TFDP2: variants seen among roughly 807,000 people sequenced by gnomAD.
TFDP2 encodes the protein transcription factor Dp-2, also known as transcription factor Dp-2 (E2F dimerization partner 2).
TFDP2 carries 17 observed loss-of-function variants against 59.3 expected under a neutral mutation model. That is an observed-to-expected ratio of 0.29 (90% CI 0.20 to 0.43). The LOEUF (loss-of-function observed/expected upper bound fraction) is 0.43, where lower values mean the gene tolerates loss of function less well. TFDP2 is among the 20% of genes least tolerant of loss of function. TFDP2 has a pLI of 1.00. For missense variants in TFDP2, 391 were observed against 528.8 expected (o/e 0.74, Z 2.56); for synonymous variants, 180 against 194.7 (o/e 0.92, Z 0.63).
intron 4 of TFDP2, among the ~76,000 whole-genome samples, chr3:141,997,677 C>T (rs752463824): frequency 1.6e-4 from 25 of 151,560 alleles, no homozygotes; most frequent in Non-Finnish European, 2.9e-4. Flanking sequence ...TGGTGAAACC[C>T]TAACTCTCCT....
chr3:142,078,254 G>A (rs1199916999), intron 3 of TFDP2, among the ~76,000 whole-genome samples: 3 of 152,130 alleles, frequency 2.0e-5, no homozygotes, highest in Non-Finnish European at 4.4e-5. Flanking sequence ...AGGAGAACTC[G>A]CTGCCCTGAA....
At chr3:142,065,675 C>T (rs1440894437) in intron 3 of TFDP2, among the ~76,000 whole-genome samples, 5 of 151,760 alleles carry the variant, frequency 3.3e-5, no homozygotes, top group Non-Finnish European at 2.9e-5. Flanking sequence ...CCATACCTGG[C>T]TAATTTTTGT....
intron 3 of TFDP2, among the ~76,000 whole-genome samples, chr3:142,049,434 C>T (rs1947501923): frequency 6.6e-6 from 1 of 152,166 alleles, no homozygotes; most frequent in African/African-American, 2.4e-5. Flanking sequence ...ATGACAAAAA[C>T]TCTCAGCAGA....
At chr3:142,076,119 G>A (rs186651340) in intron 3 of TFDP2, among the ~76,000 whole-genome samples, 8 of 147,830 alleles carry the variant, frequency 5.4e-5, no homozygotes, top group African/African-American at 2.0e-4. Flanking sequence ...GCTGAGGCAA[G>A]AGAATCACTT....
intron 3 of TFDP2, among the ~76,000 whole-genome samples, chr3:142,024,410 C>T (rs952379282): frequency 6.6e-6 from 1 of 152,198 alleles, no homozygotes; most frequent in East Asian, 1.9e-4. Flanking sequence ...AAGCACCATA[C>T]TCATACTGGT....
intron 1 of TFDP2, among the ~76,000 whole-genome samples, chr3:142,113,855 A>ATGGT (rs1283400600): frequency 6.6e-6 from 1 of 152,194 alleles, no homozygotes; most frequent in Non-Finnish European, 1.5e-5. Flanking sequence ...TTTAATAAGC[A>ATGGT]ATTCCTCAAA....
At chr3:142,115,454 G>T (rs912778311) in intron 1 of TFDP2, among the ~76,000 whole-genome samples, 17 of 151,984 alleles carry the variant, frequency 1.1e-4, no homozygotes, top group Admixed American at 1.1e-3. Flanking sequence ...GAGTAGCTGG[G>T]ACTACAGGCG....
rs1458317489 is a variant in TFDP2, at chr3:141,999,688, C to T, written c.187-4547G>A. Among the ~76,000 whole-genome samples the T allele has an allele frequency of 2.0e-5, 3 of 150,254 alleles. No homozygotes were observed. In the East Asian group the frequency reaches 5.8e-4, roughly 29 times the overall value. On this transcript the variant is annotated intron_variant, in intron 4 of 12. Coordinates refer to ENST00000489671, the MANE Select transcript of TFDP2 (RefSeq NM_001178139.2). Reference sequence around the variant, plus strand: ...ACATGTAAAGTTCAAAGGGCAAGCACAAAAAGAAGGCTAAGAAGCAAATGG... The same window carrying T: ...ACATGTAAAGTTCAAAGGGCAAGCATAAAAAGAAGGCTAAGAAGCAAATGG...
intron 11 of TFDP2, among the ~76,000 whole-genome samples, chr3:141,957,599 G>A (rs1936853698): frequency 6.6e-6 from 1 of 152,058 alleles, no homozygotes; most frequent in Non-Finnish European, 1.5e-5. Flanking sequence ...TAAACAAAAT[G>A]TGGTCCATCC....
chr3:141,966,208 T>G (rs1346879034), intron 9 of TFDP2, among the ~76,000 whole-genome samples: 2 of 152,016 alleles, frequency 1.3e-5, no homozygotes, highest in Non-Finnish European at 2.9e-5. Flanking sequence ...AGTCTCACTC[T>G]GTTGCCCAGG....
At chr3:141,968,911 T>C (rs1373503687) in intron 9 of TFDP2, among the ~76,000 whole-genome samples, 1 of 97,090 alleles carries the variant, frequency 1.0e-5, no homozygotes, top group South Asian at 3.0e-4. Context: ...CTCATATATA[T>C]AGATATATAT....
rs996103997 is a variant in TFDP2 at position 142,121,287 on chromosome 3, G to A, written c.-92-19446C>T. 3.3e-5 allele frequency among the ~76,000 whole-genome samples: 5 copies of A among 151,994 alleles called. No individual in the cohort carries two copies. Among genetic ancestry groups the A allele is most frequent in the South Asian group, 2.1e-4 (1 of 4,826 alleles). ...TTGTGCTCTACCCAAGAGACATAAC[G>A]GAGTCCCACCCTTCAAGAAGTTCAC... On this transcript the variant is annotated intron_variant, in intron 1 of 12. Coordinates refer to ENST00000489671, the MANE Select transcript of TFDP2 (RefSeq NM_001178139.2). This position sits in a 1 kb window ranked among gnomAD's most constrained non-coding sequence, Gnocchi z 4.3.
intron 7 of TFDP2, among the ~76,000 whole-genome samples, chr3:141,977,511 G>A (rs7637273): frequency 0.2 from 30,190 of 151,738 alleles, 3,569 homozygotes; most frequent in African/African-American, 0.33. Flanking sequence ...AGCATCACTT[G>A]AACCTGGGAA....
intron 3 of TFDP2, among the ~76,000 whole-genome samples, chr3:142,037,742 ATAAT>A (rs1302833643): frequency 6.6e-6 from 1 of 152,222 alleles, no homozygotes; most frequent in African/African-American, 2.4e-5. Flanking sequence ...GGAAAGAAAC[ATAAT>A]CATGGATGCC....
intron 3 of TFDP2, among the ~76,000 whole-genome samples, chr3:142,078,984 T>G (rs1048026656): frequency 6.6e-6 from 1 of 151,914 alleles, no homozygotes; most frequent in Non-Finnish European, 1.5e-5. Context: ...AAACAGAAAT[T>G]CTAGAGTTGA....
At chr3:141,953,043 T>C (rs761649969) in intron 11 of TFDP2, 27 bp from the exon 12 acceptor site, 1 of 1,553,812 alleles carries the variant, frequency 6.4e-7, no homozygotes, top group Non-Finnish European at 8.9e-7. Flanking sequence ...GAACAAAAAA[T>C]GTCGGTCCTG....
chr3:142,026,241 G>C (rs961119532), intron 3 of TFDP2, among the ~76,000 whole-genome samples: 2 of 152,078 alleles, frequency 1.3e-5, no homozygotes, highest in Non-Finnish European at 2.9e-5. Flanking sequence ...TGTAGTCCCA[G>C]CTACTGGGGA....
At chr3:141,997,061 C>T (rs1010491771) in intron 4 of TFDP2, among the ~76,000 whole-genome samples, 3 of 152,204 alleles carry the variant, frequency 2.0e-5, no homozygotes, top group Non-Finnish European at 4.4e-5. Flanking sequence ...CCACTCCACA[C>T]ATCTGGTCCC....
chr3:141,968,602 A>ATAAC (rs1559938918), intron 9 of TFDP2, among the ~76,000 whole-genome samples: 1 of 97,852 alleles, frequency 1.0e-5, no homozygotes, highest in Non-Finnish European at 1.9e-5. Context: ...AGATATATAT[A>ATAAC]ACATATATAT....
Sources: gnomAD v4.1 joint callset for allele counts (sites outside exome capture counted in the v4.1 genomes callset) on GRCh38, gnomAD v4.1.1 for gene constraint, Gnocchi (gnomAD v3.1) non-coding constraint, MANE v1.5 for transcripts, NCBI Gene and HGNC (gene_info 2026-07-23, HGNC 2026-07-21) for gene names.